Variants in APLP1 observed in about 807,000 individuals in gnomAD.
APLP1 encodes amyloid beta precursor like protein 1.
In APLP1, 46 loss-of-function variants were observed where a neutral mutation model predicts 84.5. The observed-to-expected ratio is 0.54, with a 90% CI of 0.43 to 0.70. APLP1 has a LOEUF of 0.70. Among genes scored for constraint, APLP1 ranks in the 30% least tolerant of loss-of-function variants. APLP1 has a pLI of 0.00. For synonymous variants in APLP1, 376 were observed against 364.0 expected, an observed-to-expected ratio of 1.03 and a Z score of -0.38; for missense variants, 826 against 900.2, an observed-to-expected ratio of 0.92 and a Z score of 1.05.
In APLP1 at chr19:35,874,811, G is replaced by A. The variant is rs568306221; in HGVS notation, c.1286G>A (p.Arg429His). 39 of 1,612,510 alleles carry A rather than the reference G, an allele frequency of 2.4e-5. No homozygotes were observed. Among genetic ancestry groups the A allele is most frequent in the African/African-American group, 4.0e-5 (3 of 75,062 alleles). ...AEQKEQRHTL[R>H]HYQHVAAVDP... ...CAGAAGGAACAGAGGCACACGCTGC[G>A]CCACTACCAGCATGTGGCCGCCGTG... Residue 429 changes from arginine to histidine, a missense_variant, in exon 10 of 17, where the codon CGC becomes CAC. Coordinates refer to ENST00000221891, the MANE Select transcript of APLP1 (RefSeq NM_001024807.3). The surrounding 1 kb of genome is among the most constrained non-coding windows in gnomAD (Gnocchi z 6.4).
rs893108846 is a variant in APLP1, at chr19:35,870,719, G to C, written c.292-177G>C. 6 of 809,390 alleles carry C rather than the reference G, an allele frequency of 7.4e-6. No individual in the cohort carries two copies. In the Admixed American group the frequency reaches 1.7e-4, roughly 23 times the overall value. The allele number at this position is 809,390 out of a possible 1,614,324, so 50.1% of individuals were successfully genotyped here. A position where few individuals can be genotyped will look rare whatever the true frequency, so the allele number is the denominator to read the frequency against. Reference sequence around the variant, plus strand: ...GAATCGCTTGAACCTGGGAGGAGGAGGTTGCAGTGAGCCGAGATTGTACCA... The same window carrying C: ...GAATCGCTTGAACCTGGGAGGAGGACGTTGCAGTGAGCCGAGATTGTACCA... On this transcript the variant is annotated intron_variant, in intron 2 of 16. Transcript: ENST00000221891.
intron 10 of APLP1, among the ~76,000 whole-genome samples, 164 bp downstream of exon 10, chr19:35,875,033 A>T (rs1599580485): frequency 6.6e-6 from 1 of 151,046 alleles, no homozygotes; most frequent in Admixed American, 6.6e-5. Flanking sequence ...CAGCTTCCTG[A>T]CCCTGAAACA....
intron 10 of APLP1, among the ~76,000 whole-genome samples, chr19:35,875,107 C>T (rs1974249974): frequency 1.3e-5 from 2 of 151,834 alleles, no homozygotes; most frequent in South Asian, 4.2e-4. Context: ...ACTCCCCCCG[C>T]CGTCGATCCT....
chr19:35,874,450 C>G lies in APLP1; in HGVS notation c.1057-54C>G. On this transcript the variant is annotated intron_variant, in intron 8 of 16. Transcript: ENST00000221891. The surrounding 1 kb of genome is among the most constrained non-coding windows in gnomAD (Gnocchi z 6.4). ...CCCTGCCTTTCCAGGCTCTCTTTGA[C>G]CAGGCTTTGACCCATCTTCTCCTCT... The G allele has an allele frequency of 6.3e-7, 1 of 1,598,846 alleles. No individual in the cohort carries two copies. Among genetic ancestry groups the G allele is most frequent in the South Asian group, 1.1e-5 (1 of 90,410 alleles).
intron 6 of APLP1, 118 bp from the exon 7 acceptor site, chr19:35,872,365 G>T: frequency 2.2e-6 from 3 of 1,373,330 alleles, no homozygotes; most frequent in Non-Finnish European, 3.0e-6. Flanking sequence ...AGGCAGCAGC[G>T]GTGGCTAAAC....
At chr19:35,869,538 A>G in intron 1 of APLP1, 129 bp from the exon 2 acceptor site, 1 of 1,303,436 alleles carries the variant, frequency 7.7e-7, no homozygotes, top group Non-Finnish European at 1.1e-6. Context: ...CGGTGCCTCC[A>G]TGGAGGCGGT....
At chr19:35,878,371 C>T (rs1300712162) in intron 13 of APLP1, 1 of 641,596 alleles carries the variant, frequency 1.6e-6, no homozygotes, top group African/African-American at 1.8e-5. Context: ...CATAATGAGA[C>T]CCTGTACCTA....
chr19:35,868,710 C>T lies in APLP1; in HGVS notation c.74C>T (p.Pro25Leu). The T allele has an allele frequency of 7.1e-7, 1 of 1,416,812 alleles. No homozygotes were observed. The highest frequency in any genetic ancestry group is 3.0e-5 in the Admixed American group (1 of 33,484). 87.8% of individuals were successfully genotyped at this position (1,416,812 alleles called of 1,614,324 possible). A position where few individuals can be genotyped will look rare whatever the true frequency, so the allele number is the denominator to read the frequency against. Residue 25 changes from proline to leucine, a missense_variant, in exon 1 of 17, where the codon CCA becomes CTA. By Grantham distance (98) the Pro-to-Leu change is moderately conservative. Coordinates refer to ENST00000221891, the MANE Select transcript of APLP1 (RefSeq NM_001024807.3). This position sits in a 1 kb window ranked among gnomAD's most constrained non-coding sequence, Gnocchi z 5.2. ...CAGCCGCCGCTGCCGCTGCTGCTGC[C>T]ACTATTGCTGCTGCTTCTGCGCGCG... ...PGQPPLPLLL[P>L]LLLLLLRAQP...
intron 1 of APLP1, chr19:35,869,443 C>A: frequency 1.5e-6 from 1 of 684,622 alleles, no homozygotes; most frequent in Non-Finnish European, 2.5e-6. Context: ...GGCAACAAGG[C>A]AGAAAGAATC....
chr19:35,870,936 C>A lies in APLP1; in HGVS notation c.332C>A (p.Thr111Lys), dbSNP rs757097521. ...CAGATTGCACGTGTGGAGCAGGCTA[C>A]GCAGGCCATCCCCATGGAGCGCTGG... is the stretch of plus-strand genomic sequence containing the variant. ...ELQIARVEQA[T>K]QAIPMERWCG... Residue 111 changes from threonine (T) to lysine (K), a missense_variant, in exon 3 of 17, where the codon ACG (threonine) becomes AAG (lysine). This residue lies in a region of APLP1 where 383 missense variants were observed against 378.3 expected (regional missense o/e 1.01). Transcript: ENST00000221891. The A allele has an allele frequency of 1.2e-6, 2 of 1,600,422 alleles. No homozygotes were observed. The highest frequency in any genetic ancestry group is 1.3e-5 in the African/African-American group (1 of 74,824).
rs1974330803 is a variant in APLP1, at chr19:35,878,415, G to A, written c.1580-169G>A. ...TTAAAAATTACCTGGGTGTGGTGGG[G>A]CATGTCTGTAGTCCCAGCTGCTCAG... On this transcript the variant is annotated intron_variant, in intron 13 of 16. Transcript: ENST00000221891. The A allele has an allele frequency of 1.2e-5, 8 of 683,674 alleles. No individual in the cohort carries two copies. In the South Asian group the frequency reaches 1.5e-4, roughly 12 times the overall value. The allele number at this position is 683,674 out of a possible 1,614,324, so 42.4% of individuals were successfully genotyped here.
chr19:35,878,981 G>A (rs1974345403), intron 15 of APLP1, 29 bp downstream of exon 15: 1 of 1,613,966 alleles, frequency 6.2e-7, no homozygotes, highest in Admixed American at 1.7e-5. Flanking sequence ...GGGTACCTAG[G>A]GGAAGAGACC....
rs1360526510 is a variant in APLP1, at chr19:35,871,272, G to A, written c.460G>A (p.Glu154Lys). Residue 154 changes from glutamate (E) to lysine (K), a missense_variant, in exon 4 of 17, where the codon GAA (glutamate) becomes AAA (lysine). By Grantham distance (56) the Glu-to-Lys change is moderately conservative. Coordinates refer to ENST00000221891, the MANE Select transcript of APLP1 (RefSeq NM_001024807.3). The stretch of plus-strand genomic sequence containing the variant: ...TGTGAGTGAGGCCCTGCTGGTGCCT[G>A]AAGGCTGCCGGTTCTTGCACCAGGA... ...EFVSEALLVP[E>K]GCRFLHQERM... 18 of 1,613,562 alleles carry A rather than the reference G, an allele frequency of 1.1e-5. No individual in the cohort carries two copies. Among genetic ancestry groups the A allele is most frequent in the Non-Finnish European group, 1.4e-5 (16 of 1,179,874 alleles).
chr19:35,869,283 G>A (rs894403778), intron 1 of APLP1: 1 of 517,908 alleles, frequency 1.9e-6, no homozygotes, highest in African/African-American at 2.0e-5. Flanking sequence ...GGCCTTGTCA[G>A]CTTTGCATCC....
chr19:35,877,572 C>G, intron 11 of APLP1, 146 bp from the exon 12 acceptor site: 1 of 580,940 alleles, frequency 1.7e-6, no homozygotes, highest in Non-Finnish European at 3.0e-6. Flanking sequence ...TCCAGCTTCC[C>G]ACTTTCTCAG....
chr19:35,870,840 G>T, intron 2 of APLP1, 56 bp from the exon 3 acceptor site: 1 of 1,565,640 alleles, frequency 6.4e-7, no homozygotes. Context: ...CTACTGGAGA[G>T]GGGTGGCTGG....
chr19:35,869,912 G>T, intron 2 of APLP1, 102 bp downstream of exon 2: 1 of 1,445,510 alleles, frequency 6.9e-7, no homozygotes, highest in Non-Finnish European at 9.2e-7. Flanking sequence ...GGAGGCTGGG[G>T]GGCGTGGCCA....
chr19:35,879,660 C>T lies in APLP1; in HGVS notation c.*219C>T, dbSNP rs1338595472. Reference sequence around the variant, plus strand: ...GCAGCCTCCCCACGTGGCACCTCCTCACCTTAATTTATTTTTTAAGTTTAT... The same window carrying T: ...GCAGCCTCCCCACGTGGCACCTCCTTACCTTAATTTATTTTTTAAGTTTAT... On this transcript the variant is annotated 3_prime_UTR_variant, in exon 17 of 17. Coordinates refer to ENST00000221891, the MANE Select transcript of APLP1 (RefSeq NM_001024807.3). 8 of 563,856 alleles carry T rather than the reference C, an allele frequency of 1.4e-5. No homozygotes were observed. Among genetic ancestry groups the T allele is most frequent in the Non-Finnish European group, 2.2e-5 (7 of 320,044 alleles). 34.9% of individuals were successfully genotyped at this position (563,856 alleles called of 1,614,324 possible).
chr19:35,878,729 A>T, intron 14 of APLP1, 75 bp downstream of exon 14: 1 of 1,570,666 alleles, frequency 6.4e-7, no homozygotes, highest in South Asian at 1.1e-5. Flanking sequence ...GAGGGAGGAG[A>T]TGCTGGGGGC....
Sources: allele counts gnomAD v4.1 joint callset (sites outside exome capture counted in the v4.1 genomes callset), GRCh38; gene constraint gnomAD v4.1.1; regional missense constraint gnomAD v4.1.1; non-coding constraint Gnocchi (gnomAD v3.1); transcripts MANE v1.5; gene names NCBI Gene and HGNC (gene_info 2026-07-23, HGNC 2026-07-21).